Variants in DAB1 observed in about 807,000 individuals in gnomAD.
DAB1 encodes disabled homolog 1.
In DAB1, 15 loss-of-function variants were observed where a neutral mutation model predicts 64.6. That is an observed-to-expected ratio of 0.23 (90% CI 0.16 to 0.36). DAB1 has a LOEUF of 0.36. Among genes scored for constraint, DAB1 ranks in the 10% least tolerant of loss-of-function variants. The pLI, the probability that DAB1 is intolerant of heterozygous loss-of-function variation, is 1.00. For synonymous variants in DAB1, 235 were observed against 251.9 expected (o/e 0.93, Z 0.64); for missense variants, 596 against 706.7 (o/e 0.84, Z 1.78).
chr1:57,282,477 G>A (rs911437832), intron 2 of DAB1, among the ~76,000 whole-genome samples: 2 of 152,132 alleles, frequency 1.3e-5, no homozygotes, highest in Non-Finnish European at 1.5e-5. Flanking sequence ...AGCTATGTAG[G>A]TGAGTTTGGA....
chr1:58,150,433 T>G (rs1449650968), intron 5 of DAB1: 1 of 152,126 alleles, frequency 6.6e-6, no homozygotes, highest in African/African-American at 2.4e-5. Context: ...TCTCCCCACC[T>G]GATAAGTACT....
chr1:57,081,021 C>T (rs959980597), intron 4 of DAB1, among the ~76,000 whole-genome samples: 3 of 152,124 alleles, frequency 2.0e-5, no homozygotes, highest in African/African-American at 7.2e-5. Flanking sequence ...ACTACATGTG[C>T]ATATATGGAA....
At chr1:57,783,791 A>G (rs1650217669) in intron 6 of DAB1, among the ~76,000 whole-genome samples, 2 of 152,154 alleles carry the variant, frequency 1.3e-5, no homozygotes, top group African/African-American at 4.8e-5. Context: ...TGAAGTTACT[A>G]TTGTAATTGT....
intron 5 of DAB1, among the ~76,000 whole-genome samples, chr1:57,965,751 G>A (rs922741837): frequency 6.6e-6 from 1 of 152,148 alleles, no homozygotes; most frequent in African/African-American, 2.4e-5. Context: ...GAGAAATGCA[G>A]AGTCATGTCC....
intron 1 of DAB1, among the ~76,000 whole-genome samples, chr1:57,853,268 G>T (rs1376000715): frequency 6.6e-6 from 1 of 151,574 alleles, no homozygotes; most frequent in East Asian, 1.9e-4. Context: ...AAAGCCATTT[G>T]GGAGAAGAAT....
intron 7 of DAB1, among the ~76,000 whole-genome samples, chr1:57,501,368 G>T (rs1333460963): frequency 1.3e-5 from 2 of 152,216 alleles, no homozygotes; most frequent in Non-Finnish European, 2.9e-5. Flanking sequence ...TTTCAGCTCA[G>T]CTGAGCCTCC....
At position 57,057,817 on chromosome 1, in the gene DAB1, C is replaced by T. The variant is rs923433743; in HGVS notation, c.723+5067G>A. ...TAGAGACGGGGTTTCACTGTATTAG[C>T]CAGGATGGTCTCGATCTCCTGACCT... is the stretch of plus-strand genomic sequence containing the variant. On this transcript the variant is annotated intron_variant, in intron 9 of 14. Transcript: ENST00000371236. Among the ~76,000 whole-genome samples the T allele has an allele frequency of 1.3e-4, 19 of 151,902 alleles. No individual in the cohort carries two copies. In the South Asian group the frequency reaches 1.7e-3, roughly 13 times the overall value.
chr1:58,234,457 G>A (rs746731863), intron 4 of DAB1, among the ~76,000 whole-genome samples: 1 of 152,178 alleles, frequency 6.6e-6, no homozygotes, highest in African/African-American at 2.4e-5. Context: ...ACAGCCATGC[G>A]GGGCAGAAAT....
chr1:57,230,307 C>T (rs1288760890), intron 2 of DAB1, among the ~76,000 whole-genome samples: 3 of 149,288 alleles, frequency 2.0e-5, no homozygotes, highest in South Asian at 4.2e-4. Context: ...ATTACAACTA[C>T]CACCCCTTCA....
At chr1:58,331,114 G>A (rs940749496) in intron 4 of DAB1, among the ~76,000 whole-genome samples, 1 of 152,290 alleles carries the variant, frequency 6.6e-6, no homozygotes, top group East Asian at 1.9e-4. Context: ...TGGGAGGAAG[G>A]TCAAACTATC....
Position 56,995,530 on chromosome 1 carries a change from G to C in DAB1, c.*2614C>G, listed in dbSNP as rs967310576. On this transcript the variant is annotated 3_prime_UTR_variant, in exon 15 of 15. Coordinates refer to ENST00000371236, the MANE Select transcript of DAB1 (RefSeq NM_001365792.1). ...CAGAGCCAGTTACATTTTCAATCAT[G>C]TTCAATGAAAGAGGACAATTCTCCT... is the stretch of plus-strand genomic sequence containing the variant. 12 of 152,178 alleles carry C rather than the reference G, an allele frequency of 7.9e-5. No individual in the cohort carries two copies. Among genetic ancestry groups the C allele is most frequent in the African/African-American group, 2.9e-4 (12 of 41,446 alleles). The allele number at this position is 152,178 out of a possible 1,614,324, so 9.4% of individuals were successfully genotyped here.
intron 7 of DAB1, among the ~76,000 whole-genome samples, chr1:57,444,470 A>C (rs1040306736): frequency 6.6e-6 from 1 of 152,162 alleles, no homozygotes; most frequent in Non-Finnish European, 1.5e-5. Context: ...TGGTCACTAT[A>C]GTGGGTTGAA....
intron 5 of DAB1, among the ~76,000 whole-genome samples, chr1:58,106,160 T>C (rs140167050): frequency 1.2e-4 from 19 of 152,100 alleles, no homozygotes; most frequent in African/African-American, 4.6e-4. Context: ...TTTCTTTCTT[T>C]CTTTCCTTTC....
At chr1:58,257,540 G>A (rs1660960148) in intron 4 of DAB1, among the ~76,000 whole-genome samples, 1 of 152,204 alleles carries the variant, frequency 6.6e-6, no homozygotes, top group African/African-American at 2.4e-5. Flanking sequence ...TTGCATGAGG[G>A]CACAGCATGT....
intron 7 of DAB1, among the ~76,000 whole-genome samples, chr1:57,452,860 G>A (rs1241090568): frequency 2.0e-5 from 3 of 151,446 alleles, no homozygotes; most frequent in African/African-American, 7.3e-5. Flanking sequence ...AGGAAGAAAA[G>A]GAGGAAGGAA....
At chr1:57,801,017 AG>A (rs1217686686) in intron 6 of DAB1, among the ~76,000 whole-genome samples, 2 of 152,246 alleles carry the variant, frequency 1.3e-5, no homozygotes, top group African/African-American at 4.8e-5. Context: ...CTACCGATAA[AG>A]TGGTGATTCT....
chr1:57,286,015 C>T (rs1049656495), intron 2 of DAB1, among the ~76,000 whole-genome samples: 2 of 152,166 alleles, frequency 1.3e-5, no homozygotes, highest in African/African-American at 4.8e-5. Context: ...ATTTGACAAG[C>T]TGTATGTGCA....
chr1:57,669,050 T>C (rs1478224499), intron 6 of DAB1, among the ~76,000 whole-genome samples: 1 of 152,152 alleles, frequency 6.6e-6, no homozygotes, highest in Non-Finnish European at 1.5e-5. Context: ...CCTAGGTGAC[T>C]GAATCTTTAA....
At chr1:57,535,668 GC>G (rs1315895189) in intron 7 of DAB1, among the ~76,000 whole-genome samples, 1 of 151,828 alleles carries the variant, frequency 6.6e-6, no homozygotes, top group African/African-American at 2.4e-5. Flanking sequence ...CACTATGTTG[GC>G]CAGGATGGTC....
Sources: gnomAD v4.1 joint callset for allele counts (sites outside exome capture counted in the v4.1 genomes callset) on GRCh38, gnomAD v4.1.1 for gene constraint, MANE v1.5 for transcripts, NCBI Gene and HGNC (gene_info 2026-07-23, HGNC 2026-07-21) for gene names.